Variants in SLC44A2 observed in about 807,000 individuals in gnomAD.
SLC44A2 encodes solute carrier family 44 member 2 (CTL2 blood group).
SLC44A2 carries 57 observed loss-of-function variants against 90.8 expected under a neutral mutation model. That is an observed-to-expected ratio of 0.63 (90% CI 0.51 to 0.78). The LOEUF (loss-of-function observed/expected upper bound fraction) is 0.78. Ranked by LOEUF, SLC44A2 falls within the 30% of genes least tolerant of loss-of-function variation. The pLI is 0.00. For synonymous variants in SLC44A2, 355 were observed against 360.7 expected (o/e 0.98, Z 0.18); for missense variants, 794 against 919.7 (o/e 0.86, Z 1.77).
intron 20 of SLC44A2, among the ~76,000 whole-genome samples, chr19:10,641,701 C>G (rs1010404561): frequency 1.3e-5 from 2 of 151,906 alleles, no homozygotes; most frequent in Non-Finnish European, 2.9e-5. Context: ...CAAAGGTTAG[C>G]CGGGCACAGT....
At chr19:10,630,090 A>G (rs749384468) in intron 4 of SLC44A2, among the ~76,000 whole-genome samples, 35 of 151,968 alleles carry the variant, frequency 2.3e-4, no homozygotes, top group Admixed American at 1.2e-3. Context: ...TAGGCCGGGC[A>G]CGGTGGCTCA....
At chr19:10,615,573 C>CA (rs538192367) in intron 1 of SLC44A2, among the ~76,000 whole-genome samples, 1,633 of 106,928 alleles carry the variant, frequency 0.015, 10 homozygotes, top group Non-Finnish European at 0.023. Context: ...GACTCCGTCT[C>CA]AAAAAAAAAA....
chr19:10,629,564 C>T (rs2144852569), intron 4 of SLC44A2, among the ~76,000 whole-genome samples: 1 of 150,686 alleles, frequency 6.6e-6, no homozygotes, highest in Non-Finnish European at 1.5e-5. Flanking sequence ...GGGTGTGAGC[C>T]ACCACACCCG....
At chr19:10,605,958 C>T (rs1319766879) in intron 1 of SLC44A2, among the ~76,000 whole-genome samples, 1 of 152,078 alleles carries the variant, frequency 6.6e-6, no homozygotes, top group Non-Finnish European at 1.5e-5. Flanking sequence ...GGTGCCACTG[C>T]ACTCCAACCT....
chr19:10,617,611 C>T (rs748271946), intron 1 of SLC44A2, among the ~76,000 whole-genome samples: 52 of 152,326 alleles, frequency 3.4e-4, no homozygotes, highest in Non-Finnish European at 6.8e-4. Context: ...CTCCCCGGTG[C>T]GGCCCTGTCA....
At chr19:10,624,609 G>A (rs1299609347), upstream of SLC44A2, among the ~76,000 whole-genome samples, 2 of 152,246 alleles carry the variant, frequency 1.3e-5, no homozygotes, top group Non-Finnish European at 2.9e-5. Flanking sequence ...TGCTCTTTGA[G>A]GTCAGTTTTG....
chr19:10,620,611 T>C (rs1599237012), upstream of SLC44A2, among the ~76,000 whole-genome samples: 1 of 152,220 alleles, frequency 6.6e-6, no homozygotes, highest in African/African-American at 2.4e-5. Context: ...ATGTTTGTTT[T>C]ATGCCAGGGG....
At chr19:10,618,474 C>CTT (rs3029799) in intron 1 of SLC44A2, among the ~76,000 whole-genome samples, 36 of 87,308 alleles carry the variant, frequency 4.1e-4, no homozygotes, top group East Asian at 6.4e-4. Flanking sequence ...TGCGCCCGGC[C>CTT]TTTTTTTTTT....
At chr19:10,642,984 C>A (rs760515529) in intron 21 of SLC44A2, 7 of 1,580,012 alleles carry the variant, frequency 4.4e-6, no homozygotes, top group Non-Finnish European at 2.6e-6. Flanking sequence ...AAGGGGAGTG[C>A]GGAGGAGGGG....
At chr19:10,625,439 C>T, upstream of SLC44A2, 2 of 1,208,846 alleles carry the variant, frequency 1.7e-6, no homozygotes, top group South Asian at 4.3e-5. Context: ...CAGCCCCGCC[C>T]GCGCCCTCCC....
At chr19:10,629,813 G>A (rs2066974835) in intron 4 of SLC44A2, among the ~76,000 whole-genome samples, 1 of 151,488 alleles carries the variant, frequency 6.6e-6, no homozygotes, top group Non-Finnish European at 1.5e-5. Flanking sequence ...GAGTGCAATG[G>A]TGCGATCTTG....
At chr19:10,624,000 T>TATTG (rs1190809656), upstream of SLC44A2, among the ~76,000 whole-genome samples, 1 of 149,836 alleles carries the variant, frequency 6.7e-6, no homozygotes, top group Non-Finnish European at 1.5e-5. Context: ...ATTTTTGATT[T>TATTG]ATTGATTGAT....
intron 10 of SLC44A2, among the ~76,000 whole-genome samples, chr19:10,633,606 C>T (rs1170760817): frequency 6.6e-6 from 1 of 152,148 alleles, no homozygotes; most frequent in Admixed American, 6.6e-5. Flanking sequence ...CAGGCAAGCA[C>T]CATCATGCCT....
At chr19:10,621,909 G>A (rs566532637), upstream of SLC44A2, among the ~76,000 whole-genome samples, 14 of 152,288 alleles carry the variant, frequency 9.2e-5, no homozygotes, top group South Asian at 2.1e-4. Context: ...GAGCCACTGC[G>A]CCTGGCCTCA....
At chr19:10,625,718 T>G (rs989290417) in intron 1 of SLC44A2, 48 bp downstream of exon 1, 21 of 1,228,820 alleles carry the variant, frequency 1.7e-5, no homozygotes, top group Non-Finnish European at 1.8e-5. Context: ...CCTCGGTCCC[T>G]CGGAGGGGGC....
chr19:10,636,835 G>A (rs1233618290), intron 16 of SLC44A2, 79 bp downstream of exon 16: 2 of 1,431,038 alleles, frequency 1.4e-6, no homozygotes, highest in Non-Finnish European at 1.9e-6. Context: ...GTCTTGCTTG[G>A]AGGTGGGCGG....
chr19:10,610,122 A>G (rs1177925557), intron 1 of SLC44A2, among the ~76,000 whole-genome samples: 1 of 150,832 alleles, frequency 6.6e-6, no homozygotes, highest in Non-Finnish European at 1.5e-5. Context: ...ACTTATATTT[A>G]GATTGTTGGG....
chr19:10,608,407 G>A (rs1327149284), intron 1 of SLC44A2, among the ~76,000 whole-genome samples: 1 of 151,858 alleles, frequency 6.6e-6, no homozygotes, highest in Admixed American at 6.6e-5. Context: ...ATTTGTGGAT[G>A]GGCTGTCTTT....
chr19:10,602,553 G>C lies in SLC44A2; in HGVS notation c.23G>C (p.Gly8Ala), dbSNP rs1302990641. 3 of 1,278,458 alleles carry C rather than the reference G, an allele frequency of 2.3e-6. No homozygotes were observed. In the African/African-American group the frequency reaches 4.6e-5, roughly 20 times the overall value. 79.2% of individuals were successfully genotyped at this position (1,278,458 alleles called of 1,614,324 possible). ...GCCATGGAGGACGAGCGGAAAAACG[G>C]AGCCTACGGTAGGAGCCGCCTCCGG... The change falls in exon 1 of 22, where the codon GGA becomes GCA. Residue 8 changes from glycine to alanine, a missense_variant. By Grantham distance (60) the Gly-to-Ala change is moderately conservative (BLOSUM62 0). Coordinates refer to the SLC44A2 transcript ENST00000407327.
Sources: allele counts gnomAD v4.1 joint callset (sites outside exome capture counted in the v4.1 genomes callset), GRCh38; gene constraint gnomAD v4.1.1; transcripts MANE v1.5; gene names NCBI Gene and HGNC (gene_info 2026-07-23, HGNC 2026-07-21).